TRAPPC9: variants seen among roughly 807,000 people sequenced by gnomAD.
TRAPPC9 encodes IKK2 binding protein.
A neutral mutation model predicts 124.0 loss-of-function variants in TRAPPC9; 83 were observed. That is an observed-to-expected ratio of 0.67 (90% CI 0.56 to 0.80). The LOEUF (loss-of-function observed/expected upper bound fraction) is 0.80. Among genes scored for constraint, TRAPPC9 ranks in the 30% least tolerant of loss-of-function variants. TRAPPC9 has a pLI of 0.00. For missense variants in TRAPPC9, 1,302 were observed against 1,508.3 expected (o/e 0.86, Z 2.27); for synonymous variants, 638 against 617.5 (o/e 1.03, Z -0.49).
At chr8:139,861,205 G>C (rs1212794894) in intron 21 of TRAPPC9, among the ~76,000 whole-genome samples, 1 of 152,232 alleles carries the variant, frequency 6.6e-6, no homozygotes, top group Non-Finnish European at 1.5e-5. Context: ...ATTAACAATG[G>C]TGAGAGCACA....
At chr8:140,328,587 A>G (rs2066802743) in intron 9 of TRAPPC9, among the ~76,000 whole-genome samples, 1 of 152,160 alleles carries the variant, frequency 6.6e-6, no homozygotes. Flanking sequence ...ACTCAGGGGG[A>G]AAGGGTGGGA....
intron 21 of TRAPPC9, among the ~76,000 whole-genome samples, chr8:139,863,241 C>T (rs917190579): frequency 2.0e-5 from 3 of 152,248 alleles, no homozygotes; most frequent in Non-Finnish European, 4.4e-5. Flanking sequence ...ACCCCACAGG[C>T]GCGGTCCCTG....
At chr8:140,083,627 C>T (rs1843987270) in intron 17 of TRAPPC9, among the ~76,000 whole-genome samples, 2 of 151,698 alleles carry the variant, frequency 1.3e-5, no homozygotes, top group African/African-American at 2.4e-5. Flanking sequence ...AAAAGAATAC[C>T]CACAGAAGGG....
intron 17 of TRAPPC9, among the ~76,000 whole-genome samples, chr8:140,057,535 A>G (rs562563520): frequency 6.6e-6 from 1 of 152,372 alleles, no homozygotes; most frequent in South Asian, 2.1e-4. Context: ...GCCACATGCT[A>G]CAACATGGAT....
chr8:140,111,559 C>T (rs566997682), intron 17 of TRAPPC9, among the ~76,000 whole-genome samples: 35 of 152,336 alleles, frequency 2.3e-4, no homozygotes, highest in African/African-American at 8.4e-4. Flanking sequence ...CACTGATGCC[C>T]GTGAGCAGAG....
rs1214629252 is a variant in TRAPPC9 at position 139,732,023 on chromosome 8, C to T, written c.3235G>A (p.Asp1079Asn). 8 of 1,600,906 alleles carry T rather than the reference C, an allele frequency of 5.0e-6. No homozygotes were observed. Among genetic ancestry groups the T allele is most frequent in the Non-Finnish European group, 6.0e-6 (7 of 1,173,744 alleles). ...QNGVHNYDLH[D>N]TVSFVGSSTF... ...CTGGAGCCCACGAAGGAGACGGTGT[C>T]GTGCAGGTCGTAGTTGTGCACGCCG... is the stretch of plus-strand genomic sequence containing the variant. The change falls in exon 22 of 23, where the codon GAC becomes AAC. Residue 1079 changes from aspartate (D) to asparagine (N), a missense_variant. By Grantham distance (23) the Asp-to-Asn change is conservative. This residue lies in a region of TRAPPC9 where 640 missense variants were observed against 679.3 expected (regional missense o/e 0.94). Coordinates refer to ENST00000438773, the MANE Select transcript of TRAPPC9 (RefSeq NM_001160372.4).
chr8:139,774,267 T>C (rs1174520017), intron 21 of TRAPPC9, among the ~76,000 whole-genome samples: 3 of 151,884 alleles, frequency 2.0e-5, no homozygotes, highest in African/African-American at 7.3e-5. Flanking sequence ...AGACTGTGGG[T>C]GGTGACACCG....
At chr8:140,264,744 T>A (rs1221902352) in intron 15 of TRAPPC9, among the ~76,000 whole-genome samples, 2 of 152,288 alleles carry the variant, frequency 1.3e-5, no homozygotes, top group East Asian at 3.9e-4. Context: ...ACAATTTGGA[T>A]GTTCTGGTTT....
intron 19 of TRAPPC9, among the ~76,000 whole-genome samples, chr8:139,960,269 C>T (rs555792900): frequency 1.3e-5 from 2 of 152,174 alleles, no homozygotes; most frequent in South Asian, 4.2e-4. Context: ...CTCCTCTGAC[C>T]ACCACTGAAC....
At chr8:140,021,444 T>A (rs1353437228) in intron 18 of TRAPPC9, among the ~76,000 whole-genome samples, 1 of 152,248 alleles carries the variant, frequency 6.6e-6, no homozygotes, top group African/African-American at 2.4e-5. Flanking sequence ...CAGAATTAAA[T>A]GTTCTTATTT....
intron 19 of TRAPPC9, among the ~76,000 whole-genome samples, chr8:139,928,600 C>A (rs1310013372): frequency 6.6e-6 from 1 of 151,776 alleles, no homozygotes; most frequent in Non-Finnish European, 1.5e-5. Context: ...TGGAAAAGCC[C>A]ACAGCATCGA....
chr8:140,075,409 C>T (rs1314056953), intron 17 of TRAPPC9, among the ~76,000 whole-genome samples: 2 of 152,306 alleles, frequency 1.3e-5, no homozygotes, highest in South Asian at 2.1e-4. Context: ...ACAGACAGCA[C>T]GAATGTCAGA....
intron 19 of TRAPPC9, among the ~76,000 whole-genome samples, chr8:139,918,867 C>T (rs73725321): frequency 0.041 from 6,224 of 152,276 alleles, 306 homozygotes; most frequent in African/African-American, 0.12. Flanking sequence ...TCCTGCACCA[C>T]GGGTCATTTT....
Position 140,322,885 on chromosome 8 carries a change from A to G in TRAPPC9, c.1496-11511T>C, listed in dbSNP as rs530846315. On this transcript the variant is annotated intron_variant, in intron 9 of 22. Transcript: ENST00000438773. ...AAAGACAAAGTAGAATACAAGCATG[A>G]TATCGTAAAATATCTACTTGGCCTT... Among the ~76,000 whole-genome samples, 4 of 152,318 alleles carry G rather than the reference A, an allele frequency of 2.6e-5. No individual in the cohort carries two copies. The South Asian group carries it at 8.3e-4, about 32-fold the overall frequency.
intron 16 of TRAPPC9, among the ~76,000 whole-genome samples, chr8:140,246,509 A>AT (rs140086311): frequency 0.014 from 2,064 of 152,298 alleles, 42 homozygotes; most frequent in African/African-American, 0.044. Context: ...ACTTAACTTC[A>AT]TATCTGACAT....
At chr8:139,899,120 C>CAAAAAAA (rs33927933) in intron 20 of TRAPPC9, among the ~76,000 whole-genome samples, 1 of 45,442 alleles carries the variant, frequency 2.2e-5, no homozygotes. Flanking sequence ...AACTCCGTCT[C>CAAAAAAA]AAAAAAAAAA....
chr8:140,322,466 G>C (rs967689285), intron 9 of TRAPPC9, among the ~76,000 whole-genome samples: 27 of 152,096 alleles, frequency 1.8e-4, no homozygotes, highest in African/African-American at 5.8e-4. Flanking sequence ...ATATTTGAAG[G>C]GGGTTATGTT....
At chr8:140,135,607 G>C (rs1297357693) in intron 17 of TRAPPC9, among the ~76,000 whole-genome samples, 1 of 152,160 alleles carries the variant, frequency 6.6e-6, no homozygotes, top group Non-Finnish European at 1.5e-5. Flanking sequence ...ACAGAAAGTA[G>C]ATTAGAGGTT....
intron 5 of TRAPPC9, among the ~76,000 whole-genome samples, chr8:140,420,186 C>G (rs937441643): frequency 5.3e-5 from 8 of 151,956 alleles, no homozygotes; most frequent in African/African-American, 1.7e-4. Context: ...TCTGAAAACT[C>G]AAAACATTGG....
Sources: gnomAD v4.1 joint callset for allele counts (sites outside exome capture counted in the v4.1 genomes callset) on GRCh38, gnomAD v4.1.1 for gene constraint, gnomAD v4.1.1 regional missense constraint, MANE v1.5 for transcripts, NCBI Gene and HGNC (gene_info 2026-07-23, HGNC 2026-07-21) for gene names.